The following CNTNAP5 variants were observed in gnomAD, a reference collection of about 807,000 sequenced individuals.
CNTNAP5 encodes the protein contactin-associated protein-like 5.
CNTNAP5 carries 72 observed loss-of-function variants against 150.2 expected under a neutral mutation model. The ratio of observed to expected loss-of-function variants is 0.48; its 90% CI spans 0.40 to 0.58. The LOEUF (loss-of-function observed/expected upper bound fraction) is 0.58, where lower values mean the gene tolerates loss of function less well. CNTNAP5 is among the 20% of genes least tolerant of loss of function. The probability of loss-of-function intolerance (pLI) is 0.00; values close to 1 mark genes in which losing one functional copy is unlikely to be tolerated. For missense variants in CNTNAP5, 1,636 were observed against 1,626.2 expected (o/e 1.01, Z -0.10); for synonymous variants, 672 against 619.8 (o/e 1.08, Z -1.25).
chr2:124,548,168 T>C (rs1213047079), intron 10 of CNTNAP5, among the ~76,000 whole-genome samples: 1 of 152,164 alleles, frequency 6.6e-6, no homozygotes, highest in East Asian at 1.9e-4. Context: ...TTGTTTGTGT[T>C]CTCCATAATC....
chr2:124,889,226 A>C (rs1380082062), intron 21 of CNTNAP5, among the ~76,000 whole-genome samples: 2 of 151,610 alleles, frequency 1.3e-5, no homozygotes. Context: ...CAGCCTCCCA[A>C]GTAGCTGGGA....
intron 22 of CNTNAP5, among the ~76,000 whole-genome samples, chr2:124,908,570 TA>T (rs1275838759): frequency 1.3e-5 from 2 of 152,108 alleles, no homozygotes; most frequent in African/African-American, 4.8e-5. Flanking sequence ...GTAGCAATCA[TA>T]AGGTCCTAGT....
intron 1 of CNTNAP5, among the ~76,000 whole-genome samples, chr2:124,212,829 C>CTTTTTT (rs66534077): frequency 1.1e-4 from 7 of 62,872 alleles, no homozygotes; most frequent in African/African-American, 1.4e-4. Context: ...GTAGATAAAT[C>CTTTTTT]TTTTTTTTTT....
chr2:124,668,704 A>T (rs1409383207), intron 13 of CNTNAP5, among the ~76,000 whole-genome samples: 1 of 152,208 alleles, frequency 6.6e-6, no homozygotes, highest in Non-Finnish European at 1.5e-5. Context: ...TAGCACTTAA[A>T]ATTTATAATT....
intron 17 of CNTNAP5, among the ~76,000 whole-genome samples, chr2:124,784,011 T>C (rs891305653): frequency 6.6e-6 from 1 of 152,174 alleles, no homozygotes; most frequent in African/African-American, 2.4e-5. Context: ...AGTGTACTTG[T>C]TTTTATTCAT....
intron 23 of CNTNAP5, among the ~76,000 whole-genome samples, chr2:124,913,295 C>T (rs1434701923): frequency 1.3e-5 from 2 of 152,080 alleles, no homozygotes. Flanking sequence ...TCTGCCGCTT[C>T]CATGTTTTCA....
At chr2:124,126,640 C>T (rs573026472) in intron 1 of CNTNAP5, among the ~76,000 whole-genome samples, 2 of 152,300 alleles carry the variant, frequency 1.3e-5, no homozygotes, top group African/African-American at 4.8e-5. Flanking sequence ...CCCTGATGAA[C>T]ATCAACGCAA....
chr2:124,101,354 G>T (rs1342783619), intron 1 of CNTNAP5, among the ~76,000 whole-genome samples: 3 of 152,142 alleles, frequency 2.0e-5, no homozygotes, highest in Non-Finnish European at 4.4e-5. Context: ...AGCCCAGTCT[G>T]ATTTCAGATC....
intron 13 of CNTNAP5, among the ~76,000 whole-genome samples, chr2:124,664,408 G>A (rs1433090484): frequency 6.6e-6 from 1 of 151,348 alleles, no homozygotes; most frequent in Non-Finnish European, 1.5e-5. Context: ...CCCAGAAACA[G>A]AACATCTTAA....
At chr2:124,587,064 G>T (rs1696555260) in intron 11 of CNTNAP5, among the ~76,000 whole-genome samples, 1 of 152,140 alleles carries the variant, frequency 6.6e-6, no homozygotes, top group South Asian at 2.1e-4. Context: ...CAACCCTGTT[G>T]TATGAGATTC....
intron 7 of CNTNAP5, among the ~76,000 whole-genome samples, chr2:124,498,079 C>T (rs190791565): frequency 8.5e-5 from 13 of 152,230 alleles, no homozygotes; most frequent in East Asian, 5.8e-4. Context: ...AGTTTCTCTG[C>T]GACAGAGGAA....
At chr2:124,170,853 G>T (rs532913471) in intron 1 of CNTNAP5, among the ~76,000 whole-genome samples, 57 of 151,948 alleles carry the variant, frequency 3.8e-4, no homozygotes, top group South Asian at 1.5e-3. Context: ...TGGAAAGACC[G>T]TGTTCACAGA....
chr2:124,221,533 A>G (rs796820951), intron 1 of CNTNAP5, among the ~76,000 whole-genome samples, 172 bp from the exon 2 acceptor site: 39 of 152,206 alleles, frequency 2.6e-4, no homozygotes, highest in African/African-American at 9.1e-4. Context: ...CCTGTCCTTC[A>G]GGGGTGCTGT....
intron 19 of CNTNAP5, among the ~76,000 whole-genome samples, chr2:124,834,563 T>C (rs1682789678): frequency 6.6e-6 from 1 of 152,082 alleles, no homozygotes; most frequent in Non-Finnish European, 1.5e-5. Context: ...AACACATTTC[T>C]TGTTTAATGG....
intron 14 of CNTNAP5, among the ~76,000 whole-genome samples, chr2:124,752,907 CATGTTGGAGAAGG>C (rs1680759687): frequency 6.6e-6 from 1 of 152,126 alleles, no homozygotes; most frequent in Non-Finnish European, 1.5e-5. Context: ...GGTGGAGCAG[CATGTTGGAGAAGG>C]CAGAGAGAAT....
intron 1 of CNTNAP5, among the ~76,000 whole-genome samples, chr2:124,083,684 G>A (rs7571072): frequency 0.33 from 49,590 of 151,696 alleles, 8,151 homozygotes; most frequent in South Asian, 0.42. Flanking sequence ...TTTCTACCAC[G>A]TTCACAGTCT....
intron 1 of CNTNAP5, among the ~76,000 whole-genome samples, chr2:124,030,508 T>C (rs1183800108): frequency 6.6e-6 from 1 of 152,100 alleles, no homozygotes; most frequent in Non-Finnish European, 1.5e-5. Flanking sequence ...TGAAACTTAC[T>C]CCAAAACATT....
At chr2:124,344,300 A>C (rs1689686877) in intron 3 of CNTNAP5, among the ~76,000 whole-genome samples, 1 of 152,114 alleles carries the variant, frequency 6.6e-6, no homozygotes, top group African/African-American at 2.4e-5. Flanking sequence ...AAAAGTCCAA[A>C]GTCTAAAGTC....
intron 3 of CNTNAP5, among the ~76,000 whole-genome samples, chr2:124,369,077 A>G (rs930004841): frequency 6.6e-6 from 1 of 152,132 alleles, no homozygotes; most frequent in Non-Finnish European, 1.5e-5. Flanking sequence ...GAGACAAGAG[A>G]AATGGGGTTG....
Sources: allele counts gnomAD v4.1 joint callset (sites outside exome capture counted in the v4.1 genomes callset), GRCh38; gene constraint gnomAD v4.1.1; transcripts MANE v1.5; gene names NCBI Gene and HGNC (gene_info 2026-07-23, HGNC 2026-07-21).